RGS7: variants seen among roughly 807,000 people sequenced by gnomAD.
RGS7 encodes the protein regulator of G protein signaling 7.
RGS7 carries 27 observed loss-of-function variants against 81.1 expected under a neutral mutation model. The ratio of observed to expected loss-of-function variants is 0.33; its 90% CI spans 0.25 to 0.46. RGS7 has a LOEUF of 0.46. RGS7 is among the 20% of genes least tolerant of loss of function. The pLI is 1.00. For synonymous variants in RGS7, 208 were observed against 207.7 expected (o/e 1.00, Z -0.01); for missense variants, 396 against 607.4 (o/e 0.65, Z 3.66).
intron 4 of RGS7, among the ~76,000 whole-genome samples, chr1:240,953,341 T>C (rs1679864952): frequency 1.3e-5 from 2 of 151,926 alleles, no homozygotes; most frequent in South Asian, 4.1e-4. Context: ...ACACATCTTG[T>C]GTCATAAAAT....
At chr1:241,329,998 G>A (rs2081871910) in intron 2 of RGS7, among the ~76,000 whole-genome samples, 1 of 151,960 alleles carries the variant, frequency 6.6e-6, no homozygotes, top group African/African-American at 2.4e-5. Context: ...TGGAGTGGGT[G>A]GCGCAATCTT....
chr1:241,015,381 A>AT (rs2059167329), intron 3 of RGS7, among the ~76,000 whole-genome samples: 1 of 152,108 alleles, frequency 6.6e-6, no homozygotes, highest in Non-Finnish European at 1.5e-5. Context: ...GGTTCTTACC[A>AT]TTTTTTCTTG....
At chr1:240,920,051 T>C in intron 6 of RGS7, 1 of 1,052,150 alleles carries the variant, frequency 9.5e-7, no homozygotes. Flanking sequence ...TTGAAGGGAT[T>C]GAAATCATGA....
intron 15 of RGS7, among the ~76,000 whole-genome samples, chr1:240,804,457 A>C (rs200819930): frequency 6.7e-6 from 1 of 148,254 alleles, no homozygotes; most frequent in East Asian, 2.0e-4. Context: ...TTTTTTAAAA[A>C]CCACAAAAAA....
At chr1:241,100,374 CA>C (rs753787286) in intron 2 of RGS7, among the ~76,000 whole-genome samples, 4,060 of 80,450 alleles carry the variant, frequency 0.05, 26 homozygotes, top group Middle Eastern at 0.069. Flanking sequence ...GACTCCATTT[CA>C]AAAAAAAAAA....
At chr1:240,793,109 CATT>C (rs1686297590) in intron 18 of RGS7, among the ~76,000 whole-genome samples, 1 of 152,148 alleles carries the variant, frequency 6.6e-6, no homozygotes, top group African/African-American at 2.4e-5. Context: ...GCAGGGGTGA[CATT>C]TCCCACTGTG....
intron 2 of RGS7, among the ~76,000 whole-genome samples, chr1:241,336,672 TGA>T (rs1251393055): frequency 6.6e-6 from 1 of 152,254 alleles, no homozygotes; most frequent in Non-Finnish European, 1.5e-5. Flanking sequence ...ACTATATGAA[TGA>T]TTAACCCTGT....
At chr1:241,035,150 C>T (rs2060262589) in intron 3 of RGS7, among the ~76,000 whole-genome samples, 1 of 151,962 alleles carries the variant, frequency 6.6e-6, no homozygotes, top group African/African-American at 2.4e-5. Context: ...CAGTATAGAG[C>T]TAGAATAGCA....
chr1:240,967,570 G>T (rs964313653), intron 4 of RGS7, among the ~76,000 whole-genome samples: 3 of 118,432 alleles, frequency 2.5e-5, no homozygotes, highest in South Asian at 3.5e-4. Flanking sequence ...CCAAGAAGTG[G>T]GGGGGGGGGG....
chr1:241,209,891 A>C (rs1399811219), intron 2 of RGS7, among the ~76,000 whole-genome samples: 2 of 152,010 alleles, frequency 1.3e-5, no homozygotes, highest in Admixed American at 1.3e-4. Flanking sequence ...TTATTAACTC[A>C]TTTAATCTTG....
At chr1:241,171,325 T>C (rs1326163197) in intron 2 of RGS7, among the ~76,000 whole-genome samples, 2 of 152,188 alleles carry the variant, frequency 1.3e-5, no homozygotes. Context: ...TAAAGTTTTT[T>C]CCTAATTTCT....
intron 2 of RGS7, among the ~76,000 whole-genome samples, chr1:241,200,560 T>C (rs992399500): frequency 5.9e-5 from 9 of 152,166 alleles, no homozygotes; most frequent in African/African-American, 2.2e-4. Flanking sequence ...CTACATCCTT[T>C]GCATCCTAAT....
At chr1:240,917,963 T>C (rs895022939) in intron 6 of RGS7, among the ~76,000 whole-genome samples, 3 of 152,148 alleles carry the variant, frequency 2.0e-5, no homozygotes, top group Non-Finnish European at 4.4e-5. Flanking sequence ...TTAGATAAAT[T>C]AATTTCAGAC....
At chr1:240,865,181 CAAGGTGGG>C (rs769323345) in intron 9 of RGS7, among the ~76,000 whole-genome samples, 4 of 152,218 alleles carry the variant, frequency 2.6e-5, no homozygotes, top group Non-Finnish European at 5.9e-5. Context: ...AATCACTGTG[CAAGGTGGG>C]CCTCGTAAAT....
Position 241,274,715 on chromosome 1 carries a change from A to C in RGS7, c.78+80984T>G, listed in dbSNP as rs1231167603. ...TTCCAGGTTTAAAATGAATACAATTATATTACTAGTAAAACCTCATTACGG... is the reference window on the plus strand; with the variant it reads ...TTCCAGGTTTAAAATGAATACAATTCTATTACTAGTAAAACCTCATTACGG... On this transcript the variant is annotated intron_variant, in intron 2 of 18. Coordinates refer to ENST00000440928, the MANE Select transcript of RGS7 (RefSeq NM_001364886.1). Among the ~76,000 whole-genome samples, 7 of 152,346 alleles carry C rather than the reference A, an allele frequency of 4.6e-5. No individual in the cohort carries two copies. The East Asian group carries it at 1.4e-3, about 29-fold the overall frequency.
chr1:241,311,289 GCAAC>G (rs1398992870), intron 2 of RGS7, among the ~76,000 whole-genome samples: 2 of 152,170 alleles, frequency 1.3e-5, no homozygotes, highest in African/African-American at 4.8e-5. Context: ...GAAACAGGGT[GCAAC>G]GCTCTAAAAA....
chr1:240,881,322 G>A (rs1225527924), intron 6 of RGS7, among the ~76,000 whole-genome samples: 1 of 150,506 alleles, frequency 6.6e-6, no homozygotes, highest in Admixed American at 6.6e-5. Context: ...ACACAGGGAG[G>A]GGAACATCAC....
At chr1:240,851,908 TAA>T (rs1223021427) in intron 9 of RGS7, among the ~76,000 whole-genome samples, 1 of 152,184 alleles carries the variant, frequency 6.6e-6, no homozygotes, top group Non-Finnish European at 1.5e-5. Context: ...ATGGAGCAAA[TAA>T]AGTTGTTTCT....
At chr1:240,791,307 C>T (rs1355567586) in intron 18 of RGS7, among the ~76,000 whole-genome samples, 1 of 152,112 alleles carries the variant, frequency 6.6e-6, no homozygotes, top group African/African-American at 2.4e-5. Flanking sequence ...CAACAGCCAT[C>T]AAAATATGGT....
Sources: allele counts gnomAD v4.1 joint callset (sites outside exome capture counted in the v4.1 genomes callset), GRCh38; gene constraint gnomAD v4.1.1; transcripts MANE v1.5; gene names NCBI Gene and HGNC (gene_info 2026-07-23, HGNC 2026-07-21).